Variants in RIPOR1 observed in about 807,000 individuals in gnomAD.
RIPOR1 encodes the protein rho family-interacting cell polarization regulator 1.
A neutral mutation model predicts 116.5 loss-of-function variants in RIPOR1; 58 were observed. The observed-to-expected ratio is 0.50, with a 90% CI of 0.40 to 0.62. RIPOR1 has a LOEUF of 0.62. Ranked by LOEUF, RIPOR1 falls within the 20% of genes least tolerant of loss-of-function variation. RIPOR1 has a pLI of 0.00. For missense variants in RIPOR1, 1,372 were observed against 1,586.2 expected (o/e 0.86, Z 2.29); for synonymous variants, 605 against 650.0 (o/e 0.93, Z 1.05).
In RIPOR1 at chr16:67,541,300, C is replaced by A; in HGVS notation, c.802-130C>A. Reference sequence around the variant, plus strand: ...GCCCAAGCTGGTCTTGAACTCCTGGCCTTAAGTGATCCTCCTGCCTCAGCC... The same window carrying A: ...GCCCAAGCTGGTCTTGAACTCCTGGACTTAAGTGATCCTCCTGCCTCAGCC... On this transcript the variant is annotated intron_variant, in intron 10 of 21. Coordinates refer to ENST00000042381, the MANE Select transcript of RIPOR1 (RefSeq NM_024519.4). The surrounding 1 kb of genome is among the most constrained non-coding windows in gnomAD (Gnocchi z 4.6). 1.1e-6 allele frequency: 1 copy of A among 944,834 alleles called. No homozygotes were observed. Among genetic ancestry groups the A allele is most frequent in the Non-Finnish European group, 1.6e-6 (1 of 629,736 alleles). The allele number at this position is 944,834 out of a possible 1,614,324, so 58.5% of individuals were successfully genotyped here.
Position 67,545,955 on chromosome 16 carries a change from C to T in RIPOR1, c.3394C>T (p.Leu1132=). The T allele has an allele frequency of 6.2e-7, 1 of 1,614,084 alleles. No individual in the cohort carries two copies. The highest frequency in any genetic ancestry group is 8.5e-7 in the Non-Finnish European group (1 of 1,180,008). ...LGPTFRERAL[L]CFLDQLEDED... is the part of the protein sequence containing the mutation. ...TCCTCCCACCCTTCCACAGGCCCTC[C>T]TGTGCTTCCTGGACCAGCTGGAGGA... Residue 1132 remains leucine, a synonymous_variant, in exon 20 of 22, where the codon CTG becomes TTG. Coordinates refer to ENST00000042381, the MANE Select transcript of RIPOR1 (RefSeq NM_024519.4). The surrounding 1 kb of genome is among the most constrained non-coding windows in gnomAD (Gnocchi z 4.8).
At position 67,533,895 on chromosome 16, in the gene RIPOR1, C is replaced by T. The variant is rs558467791; in HGVS notation, c.-23-4529C>T. Among the ~76,000 whole-genome samples the T allele has an allele frequency of 2.1e-4, 32 of 151,248 alleles. No homozygotes were observed. In the South Asian group the frequency reaches 3.6e-3, roughly 17 times the overall value. Reference sequence around the variant, plus strand: ...CAATCTTGGCTCACTGCAACCTCCACCTCCCGGGTTCAAGCGATTCTCCTG... The same window carrying T: ...CAATCTTGGCTCACTGCAACCTCCATCTCCCGGGTTCAAGCGATTCTCCTG... On this transcript the variant is annotated intron_variant, in intron 1 of 21. Transcript: ENST00000042381.
At position 67,529,648 on chromosome 16, in the gene RIPOR1, A is replaced by C. The variant is rs1000458619; in HGVS notation, c.-24+734A>C. On this transcript the variant is annotated intron_variant, in intron 1 of 21. Coordinates refer to ENST00000042381, the MANE Select transcript of RIPOR1 (RefSeq NM_024519.4). The surrounding 1 kb of genome is among the most constrained non-coding windows in gnomAD (Gnocchi z 4.1). ...GTCCTCCTCTCCAGGGTGAGCCCTG[A>C]GTCCGGCCTCCCCTACAGACCCTCC... The C allele has an allele frequency of 1.9e-5, 18 of 959,260 alleles. No homozygotes were observed. The Admixed American group carries it at 4.2e-4, about 22-fold the overall frequency. 59.4% of individuals were successfully genotyped at this position (959,260 alleles called of 1,614,324 possible).
chr16:67,542,104 G>A lies in RIPOR1; in HGVS notation c.1318G>A (p.Gly440Arg). The A allele has an allele frequency of 1.2e-6, 2 of 1,609,226 alleles. No individual in the cohort carries two copies. The highest frequency in any genetic ancestry group is 1.1e-5 in the South Asian group (1 of 90,994). ...EGAVAPVLANGHAPYSRTLSH... is the reference protein window; with the variant it reads ...EGAVAPVLANRHAPYSRTLSH... Reference sequence around the variant, plus strand: ...GGCCGTGGCCCCAGTCCTGGCAAATGGGCATGCACCCTACAGTCGGACTCT... The same window carrying A: ...GGCCGTGGCCCCAGTCCTGGCAAATAGGCATGCACCCTACAGTCGGACTCT... The change falls in exon 13 of 22, where the codon GGG becomes AGG. Residue 440 changes from glycine to arginine, a missense_variant. Physicochemically the swap from Gly to Arg is moderately radical, Grantham distance 125. Coordinates refer to ENST00000042381, the MANE Select transcript of RIPOR1 (RefSeq NM_024519.4). The surrounding 1 kb of genome is among the most constrained non-coding windows in gnomAD (Gnocchi z 4.6).
At chr16:67,535,704 G>T (rs2050775665) in intron 1 of RIPOR1, among the ~76,000 whole-genome samples, 1 of 152,124 alleles carries the variant, frequency 6.6e-6, no homozygotes, top group African/African-American at 2.4e-5. Flanking sequence ...AGGCAGGTGA[G>T]GTGGGGGTGA....
chr16:67,544,941 C>T lies in RIPOR1; in HGVS notation c.2870-15C>T, dbSNP rs761676206. 4.3e-6 allele frequency: 7 copies of T among 1,610,158 alleles called. No homozygotes were observed. The highest frequency in any genetic ancestry group is 1.1e-5 in the South Asian group (1 of 91,082). On this transcript the variant is annotated splice_polypyrimidine_tract_variant and intron_variant, in intron 16 of 21. Coordinates refer to ENST00000042381, the MANE Select transcript of RIPOR1 (RefSeq NM_024519.4). This position sits in a 1 kb window ranked among gnomAD's most constrained non-coding sequence, Gnocchi z 5.1. ...TGCCTGCCTGTTGCTGACGGTTTCC[C>T]TCACCCCCTCACAGTGGTGCAGTTC...
In RIPOR1 at chr16:67,543,373, G is replaced by A. The variant is rs536929019; in HGVS notation, c.2504G>A (p.Arg835Gln). ...CAGAGACAAGGTCTGACTCGCAGCC[G>A]GGCCTCCAGTCTCAGCATCACTGTG... ...LMQRQGLTRSRASSLSITVEH... is the reference protein window; with the variant it reads ...LMQRQGLTRSQASSLSITVEH... Residue 835 changes from arginine to glutamine, a missense_variant, in exon 14 of 22, where the codon CGG becomes CAG. By Grantham distance (43) the Arg-to-Gln change is conservative. Coordinates refer to ENST00000042381, the MANE Select transcript of RIPOR1 (RefSeq NM_024519.4). This position sits in a 1 kb window ranked among gnomAD's most constrained non-coding sequence, Gnocchi z 4.7. The A allele has an allele frequency of 1.0e-5, 16 of 1,601,888 alleles. No individual in the cohort carries two copies. The highest frequency in any genetic ancestry group is 6.7e-5 in the African/African-American group (5 of 74,886).
rs1026429549 is a variant in RIPOR1 at position 67,541,803 on chromosome 16, A to T, written c.1080+21A>T. ...TCTATGTGAGTCATAGCCCAGGTCC[A>T]GGCCTCACCATCCCCCAGAGGCTCC... is the stretch of plus-strand genomic sequence containing the variant. On this transcript the variant is annotated intron_variant, in intron 12 of 21. Coordinates refer to ENST00000042381, the MANE Select transcript of RIPOR1 (RefSeq NM_024519.4). This position sits in a 1 kb window ranked among gnomAD's most constrained non-coding sequence, Gnocchi z 4.6. 1.1e-5 allele frequency: 17 copies of T among 1,613,902 alleles called. No individual in the cohort carries two copies. The African/African-American group carries it at 2.3e-4, about 22-fold the overall frequency.
Position 67,539,903 on chromosome 16 carries a change from C to G in RIPOR1, c.414+4C>G, listed in dbSNP as rs778790010. ...ACTGGAGTTCCATGCCAGCAAGGTA[C>G]GAGTGCAGCATGTGTGCAGAGTGGG... On this transcript the variant is annotated splice_donor_region_variant and intron_variant, in intron 6 of 21. Coordinates refer to ENST00000042381, the MANE Select transcript of RIPOR1 (RefSeq NM_024519.4). The G allele has an allele frequency of 2.5e-6, 4 of 1,614,134 alleles. No homozygotes were observed. The highest frequency in any genetic ancestry group is 3.4e-6 in the Non-Finnish European group (4 of 1,180,014).
Position 67,541,335 on chromosome 16 carries a change from C to T in RIPOR1, c.802-95C>T. 7.0e-7 allele frequency: 1 copy of T among 1,438,508 alleles called. No individual in the cohort carries two copies. Among genetic ancestry groups the T allele is most frequent in the Non-Finnish European group, 9.5e-7 (1 of 1,057,918 alleles). 89.1% of individuals were successfully genotyped at this position (1,438,508 alleles called of 1,614,324 possible). A position where few individuals can be genotyped will look rare whatever the true frequency, so the allele number is the denominator to read the frequency against. On this transcript the variant is annotated intron_variant, in intron 10 of 21. Transcript: ENST00000042381. This position sits in a 1 kb window ranked among gnomAD's most constrained non-coding sequence, Gnocchi z 4.6. Reference sequence around the variant, plus strand: ...TCCTCCTGCCTCAGCCTCCCATGACCATTTTATAAGTTCTATGCAAATTCA... The same window carrying T: ...TCCTCCTGCCTCAGCCTCCCATGACTATTTTATAAGTTCTATGCAAATTCA...
intron 1 of RIPOR1, among the ~76,000 whole-genome samples, chr16:67,533,962 C>T (rs1234263918): frequency 2.7e-5 from 4 of 150,638 alleles, no homozygotes; most frequent in Non-Finnish European, 5.9e-5. Flanking sequence ...CATGCGCCAC[C>T]ACGCCCGGCT....
Position 67,542,820 on chromosome 16 carries a change from T to C in RIPOR1, c.2034T>C (p.Pro678=). The C allele has an allele frequency of 6.2e-7, 1 of 1,612,094 alleles. No individual in the cohort carries two copies. Among genetic ancestry groups the C allele is most frequent in the South Asian group, 1.1e-5 (1 of 91,026 alleles). Residue 678 remains proline, a synonymous_variant, in exon 13 of 22, where the codon CCT becomes CCC. Transcript: ENST00000042381. The surrounding 1 kb of genome is among the most constrained non-coding windows in gnomAD (Gnocchi z 4.6). ...TTSPILINVS[P]STSLELATLS... ...GCCCCATCCTTATAAATGTAAGCCC[T>C]TCCACTTCTCTAGAACTTGCTACCC... is the stretch of plus-strand genomic sequence containing the variant.
chr16:67,545,814 G>C lies in RIPOR1; in HGVS notation c.3341G>C (p.Ser1114Thr). Reference sequence around the variant, plus strand: ...AACAACAAGGTCATGGCTGCTGTCAGCACCCAGCTCCGGAGCCTGTCACTG... The same window carrying C: ...AACAACAAGGTCATGGCTGCTGTCACCACCCAGCTCCGGAGCCTGTCACTG... ...HGNNKVMAAV[S>T]TQLRSLSLGP... The change falls in exon 19 of 22, where the codon AGC becomes ACC. Residue 1114 changes from serine to threonine, a missense_variant. Coordinates refer to ENST00000042381, the MANE Select transcript of RIPOR1 (RefSeq NM_024519.4). The surrounding 1 kb of genome is among the most constrained non-coding windows in gnomAD (Gnocchi z 4.8). The C allele has an allele frequency of 1.9e-6, 3 of 1,610,746 alleles. No individual in the cohort carries two copies. Among genetic ancestry groups the C allele is most frequent in the Non-Finnish European group, 2.5e-6 (3 of 1,178,348 alleles).
Position 67,546,620 on chromosome 16 carries a change from G to A in RIPOR1, c.*157G>A. The A allele has an allele frequency of 1.6e-6, 1 of 637,828 alleles. No homozygotes were observed. The highest frequency in any genetic ancestry group is 2.7e-6 in the Non-Finnish European group (1 of 367,164). 39.5% of individuals were successfully genotyped at this position (637,828 alleles called of 1,614,324 possible). A position where few individuals can be genotyped will look rare whatever the true frequency, so the allele number is the denominator to read the frequency against. Reference sequence around the variant, plus strand: ...TTCTTCTGTTGCCCCTGGGGTTGGAGAGTCAGTGCCTGCAGTCAAGTGCCT... The same window carrying A: ...TTCTTCTGTTGCCCCTGGGGTTGGAAAGTCAGTGCCTGCAGTCAAGTGCCT... On this transcript the variant is annotated 3_prime_UTR_variant, in exon 22 of 22. Transcript: ENST00000042381.
chr16:67,523,186 A>G (rs1170457969), intron 1 of RIPOR1, among the ~76,000 whole-genome samples: 2 of 152,102 alleles, frequency 1.3e-5, no homozygotes, highest in Non-Finnish European at 2.9e-5. Context: ...TGCAGTGGCT[A>G]TGGAACATCT....
rs1428053794 is a variant in RIPOR1, at chr16:67,537,282, C to A, written c.-23-1142C>A. ...CCTCCACTTAGCGTCTCCATTCTAT[C>A]CCTTCATATTCATCCCCATGCTCAA... On this transcript the variant is annotated intron_variant, in intron 1 of 21. Coordinates refer to ENST00000042381, the MANE Select transcript of RIPOR1 (RefSeq NM_024519.4). The surrounding 1 kb of genome is among the most constrained non-coding windows in gnomAD (Gnocchi z 4.6). Among the ~76,000 whole-genome samples the A allele has an allele frequency of 1.3e-5, 2 of 152,220 alleles. 1 individual carries two copies. Among genetic ancestry groups the A allele is most frequent in the African/African-American group, 4.8e-5 (2 of 41,462 alleles).
Position 67,546,538 on chromosome 16 carries a change from AG to A in RIPOR1, c.*78del, listed in dbSNP as rs1490744104. 47 of 1,231,988 alleles carry A rather than the reference AG, an allele frequency of 3.8e-5. No individual in the cohort carries two copies. The highest frequency in any genetic ancestry group is 5.4e-5 in the Non-Finnish European group (46 of 849,022). The allele number at this position is 1,231,988 out of a possible 1,614,324, so 76.3% of individuals were successfully genotyped here. Reference sequence around the variant, plus strand: ...TCACCAGGCACTGGCAGGGAGGGTAAGGGCTGGCTCCAGATACCCCTCCCCC... The same window carrying A: ...TCACCAGGCACTGGCAGGGAGGGTAAGGCTGGCTCCAGATACCCCTCCCCC... On this transcript the variant is annotated 3_prime_UTR_variant, in exon 22 of 22. Transcript: ENST00000042381.
rs144687542 is a variant in RIPOR1, at chr16:67,544,564, C to T, written c.2734-131C>T. 5 of 1,537,650 alleles carry T rather than the reference C, an allele frequency of 3.3e-6. No homozygotes were observed. Among genetic ancestry groups the T allele is most frequent in the East Asian group, 2.3e-5 (1 of 44,148 alleles). On this transcript the variant is annotated intron_variant, in intron 15 of 21. Transcript: ENST00000042381. The surrounding 1 kb of genome is among the most constrained non-coding windows in gnomAD (Gnocchi z 5.1). ...GCCCCAGGGCCCTTGGCATCTGGCC[C>T]TTGCTGAATGGAGTATCTCCCAACT...
At position 67,531,655 on chromosome 16, in the gene RIPOR1, T is replaced by C; in HGVS notation, c.-24+2741T>C. The C allele has an allele frequency of 2.2e-6, 1 of 453,946 alleles. No individual in the cohort carries two copies. The highest frequency in any genetic ancestry group is 1.6e-5 in the South Asian group (1 of 64,296). The allele number at this position is 453,946 out of a possible 1,614,324, so 28.1% of individuals were successfully genotyped here. On this transcript the variant is annotated intron_variant, in intron 1 of 21. Transcript: ENST00000042381. The surrounding 1 kb of genome is among the most constrained non-coding windows in gnomAD (Gnocchi z 4.2). ...GGTATTGAGAGAGGGTCTCAGTTGCTGGAACAGAGAAAGCAGGGGACTGGG... is the reference window on the plus strand; with the variant it reads ...GGTATTGAGAGAGGGTCTCAGTTGCCGGAACAGAGAAAGCAGGGGACTGGG...
Sources: gnomAD v4.1 joint callset for allele counts (sites outside exome capture counted in the v4.1 genomes callset) on GRCh38, gnomAD v4.1.1 for gene constraint, Gnocchi (gnomAD v3.1) non-coding constraint, MANE v1.5 for transcripts, NCBI Gene and HGNC (gene_info 2026-07-23, HGNC 2026-07-21) for gene names.